PCLO: variants seen among roughly 807,000 people sequenced by gnomAD.
PCLO encodes the protein protein piccolo.
Under a neutral mutation model 427.5 loss-of-function variants are expected in PCLO, and 82 were observed. That is an observed-to-expected ratio of 0.19 (90% confidence interval 0.16 to 0.23). PCLO has a LOEUF of 0.23. Among genes scored for constraint, PCLO ranks in the 10% least tolerant of loss-of-function variants. The pLI, the probability that PCLO is intolerant of heterozygous loss-of-function variation, is 1.00. For synonymous variants in PCLO, 2,357 were observed against 2,155.4 expected (o/e 1.09, Z -2.59); for missense variants, 6,239 against 6,115.9 (o/e 1.02, Z -0.67).
chr7:82,967,780 T>G (rs371242141), intron 3 of PCLO, among the ~76,000 whole-genome samples: 1 of 152,348 alleles, frequency 6.6e-6, no homozygotes, highest in East Asian at 1.9e-4. Flanking sequence ...CATTTTTTCT[T>G]ACATTATATC....
intron 6 of PCLO, among the ~76,000 whole-genome samples, chr7:82,929,749 CTAT>C (rs1283982534): frequency 6.6e-6 from 1 of 152,094 alleles, no homozygotes; most frequent in East Asian, 1.9e-4. Flanking sequence ...TCAAAAACTA[CTAT>C]TATTTTATAA....
At chr7:83,059,084 AT>A (rs904319285) in intron 3 of PCLO, among the ~76,000 whole-genome samples, 5 of 151,308 alleles carry the variant, frequency 3.3e-5, no homozygotes, top group Non-Finnish European at 7.4e-5. Flanking sequence ...CATCTTTAAA[AT>A]TGAGAAAATA....
intron 20 of PCLO, among the ~76,000 whole-genome samples, chr7:82,812,373 C>T (rs969154764): frequency 2.0e-5 from 3 of 151,496 alleles, no homozygotes; most frequent in East Asian, 3.9e-4. Flanking sequence ...CATGTTGGCT[C>T]CGTATACTAT....
intron 22 of PCLO, among the ~76,000 whole-genome samples, chr7:82,769,758 T>C (rs1790610080): frequency 6.6e-6 from 1 of 152,190 alleles, no homozygotes; most frequent in South Asian, 2.1e-4. Flanking sequence ...AGCAATGATG[T>C]AGGTCACTGG....
chr7:82,906,637 T>C (rs373561813), intron 8 of PCLO, among the ~76,000 whole-genome samples: 2 of 152,032 alleles, frequency 1.3e-5, no homozygotes, highest in East Asian at 3.9e-4. Flanking sequence ...TTGTTACTTA[T>C]TTGGGCAAGG....
chr7:83,107,411 A>G (rs1790884996), intron 3 of PCLO, among the ~76,000 whole-genome samples: 2 of 152,104 alleles, frequency 1.3e-5, no homozygotes, highest in African/African-American at 2.4e-5. Flanking sequence ...ACAAACTACA[A>G]TAACATTTGC....
rs1795485915 is a variant in PCLO, at chr7:82,955,368, C to T, written c.5585G>A (p.Ser1862Asn). 1 of 1,613,776 alleles carries T rather than the reference C, an allele frequency of 6.2e-7. No individual in the cohort carries two copies. The highest frequency in any genetic ancestry group is 8.5e-7 in the Non-Finnish European group (1 of 1,179,812). ...HRSSCSEYSPSIESDPEGFEI... is the reference protein window; with the variant it reads ...HRSSCSEYSPNIESDPEGFEI... Reference sequence around the variant, plus strand: ...AAAACCTTCTGGGTCTGACTCTATGCTAGGTGAATATTCAGAACAAGAAGA... The same window carrying T: ...AAAACCTTCTGGGTCTGACTCTATGTTAGGTGAATATTCAGAACAAGAAGA... The change falls in exon 5 of 25, where the codon AGC becomes AAC. Residue 1862 changes from serine (S) to asparagine (N), a missense_variant. This residue lies in a region of PCLO where 4,677 missense variants were observed against 4,468.4 expected (regional missense o/e 1.05). Transcript: ENST00000333891.
chr7:82,779,474 A>G (rs765835186), intron 22 of PCLO, among the ~76,000 whole-genome samples: 1 of 152,200 alleles, frequency 6.6e-6, no homozygotes, highest in African/African-American at 2.4e-5. Flanking sequence ...AAGTGAATCA[A>G]CATGAATTTG....
intron 10 of PCLO, among the ~76,000 whole-genome samples, chr7:82,866,806 T>A (rs949700916): frequency 3.9e-5 from 6 of 152,132 alleles, no homozygotes; most frequent in Non-Finnish European, 8.8e-5. Flanking sequence ...TCCATAACTA[T>A]GCTGAACTAT....
At chr7:83,030,918 C>T (rs1788650559) in intron 3 of PCLO, among the ~76,000 whole-genome samples, 1 of 152,062 alleles carries the variant, frequency 6.6e-6, no homozygotes, top group Admixed American at 6.6e-5. Flanking sequence ...AATTTTTGTA[C>T]TTGGTTCAAA....
chr7:82,783,706 A>G (rs2129468192), intron 22 of PCLO, among the ~76,000 whole-genome samples: 1 of 152,254 alleles, frequency 6.6e-6, no homozygotes, highest in East Asian at 1.9e-4. Context: ...TTGTTTTTAA[A>G]TTAATTAAAA....
At chr7:83,027,977 A>G (rs1334384638) in intron 3 of PCLO, among the ~76,000 whole-genome samples, 3 of 139,124 alleles carry the variant, frequency 2.2e-5, no homozygotes, top group African/African-American at 7.9e-5. Flanking sequence ...AGAGCTATCT[A>G]TGACAAACCC....
At chr7:82,881,983 G>T (rs1379459894) in intron 9 of PCLO, among the ~76,000 whole-genome samples, 2 of 152,048 alleles carry the variant, frequency 1.3e-5, no homozygotes, top group Non-Finnish European at 2.9e-5. Flanking sequence ...TGCATAAGAA[G>T]ATCAAGAAAT....
chr7:82,898,922 T>C (rs1584119260), intron 9 of PCLO, among the ~76,000 whole-genome samples: 1 of 151,434 alleles, frequency 6.6e-6, no homozygotes. Context: ...AAATTTCAGA[T>C]ATGATATCAT....
intron 3 of PCLO, among the ~76,000 whole-genome samples, chr7:83,041,337 A>T (rs565524216): frequency 3.3e-5 from 5 of 152,078 alleles, no homozygotes; most frequent in Admixed American, 6.6e-5. Flanking sequence ...CTGCTGTTTC[A>T]CCTCCTGTCA....
chr7:82,847,615 C>T (rs1792539272), intron 10 of PCLO, among the ~76,000 whole-genome samples: 1 of 152,132 alleles, frequency 6.6e-6, no homozygotes, highest in South Asian at 2.1e-4. Flanking sequence ...ATATAATTTT[C>T]CTGCGGGGAA....
chr7:83,112,052 G>GT (rs965526975), intron 3 of PCLO, among the ~76,000 whole-genome samples: 1 of 151,608 alleles, frequency 6.6e-6, no homozygotes, highest in South Asian at 2.1e-4. Flanking sequence ...GTTGTTTTTT[G>GT]TTTTTTTGTT....
intron 10 of PCLO, among the ~76,000 whole-genome samples, chr7:82,857,308 T>C (rs116565768): frequency 0.017 from 2,574 of 152,170 alleles, 93 homozygotes; most frequent in African/African-American, 0.059. Flanking sequence ...CACTTAGGAA[T>C]GAGAAATGCT....
rs1407164194 is a variant in PCLO at position 83,134,720 on chromosome 7, T to C, written c.2830A>G (p.Asn944Asp). ...FGASIFSQAS[N>D]LISTAGQPGP... is the part of the protein sequence containing the mutation. ...GGTTGGCCTGCAGTGGAAATTAAAT[T>C]TGATGCCTGGCTGAAGATTGATGCT... Residue 944 changes from asparagine (N) to aspartate (D), a missense_variant, in exon 3 of 25, where the codon AAT (asparagine) becomes GAT (aspartate). Transcript: ENST00000333891. 3 of 1,613,784 alleles carry C rather than the reference T, an allele frequency of 1.9e-6. No individual in the cohort carries two copies. In the African/African-American group the frequency reaches 4.0e-5, roughly 22 times the overall value.
Sources: gnomAD v4.1 joint callset for allele counts (sites outside exome capture counted in the v4.1 genomes callset) on GRCh38, gnomAD v4.1.1 for gene constraint, gnomAD v4.1.1 regional missense constraint, MANE v1.5 for transcripts, NCBI Gene and HGNC (gene_info 2026-07-23, HGNC 2026-07-21) for gene names.